Variants in ADCY1 observed in about 807,000 individuals in gnomAD.
The protein encoded by ADCY1 is adenylate cyclase 1.
ADCY1 carries 28 observed loss-of-function variants against 105.4 expected under a neutral mutation model. That is an observed-to-expected ratio of 0.27 (90% CI 0.20 to 0.36). ADCY1 has a LOEUF of 0.36. Among genes scored for constraint, ADCY1 ranks in the 10% least tolerant of loss-of-function variants. ADCY1 has a pLI of 1.00. For synonymous variants in ADCY1, 655 were observed against 623.8 expected (o/e 1.05, Z -0.75); for missense variants, 977 against 1,434.2 (o/e 0.68, Z 5.15).
chr7:45,612,584 G>C (rs1212739220), intron 3 of ADCY1, among the ~76,000 whole-genome samples: 1 of 152,162 alleles, frequency 6.6e-6, no homozygotes, highest in African/African-American at 2.4e-5. Context: ...TGCAGGAAAG[G>C]CATCAAAAGT....
intron 19 of ADCY1, among the ~76,000 whole-genome samples, chr7:45,711,615 A>ATATATATATATGTATATATG (rs1785232328): frequency 2.8e-5 from 1 of 35,324 alleles, no homozygotes; most frequent in African/African-American, 8.0e-5. Context: ...CTGTATATAT[A>ATATATATATATGTATATATG]TATATATATA....
At chr7:45,712,619 C>T (rs1785283093) in intron 19 of ADCY1, among the ~76,000 whole-genome samples, 1 of 151,974 alleles carries the variant, frequency 6.6e-6, no homozygotes, top group South Asian at 2.1e-4. Context: ...GCCTCCCCAA[C>T]TCTGGGTATT....
intron 1 of ADCY1, among the ~76,000 whole-genome samples, chr7:45,587,467 G>C (rs1203485734): frequency 2.0e-5 from 3 of 152,200 alleles, no homozygotes; most frequent in Non-Finnish European, 4.4e-5. Flanking sequence ...GCATAGGGCT[G>C]TCAGGGGCAG....
At chr7:45,655,640 G>A (rs1046092254) in intron 5 of ADCY1, among the ~76,000 whole-genome samples, 1 of 152,198 alleles carries the variant, frequency 6.6e-6, no homozygotes, top group Non-Finnish European at 1.5e-5. Context: ...AGGCAGAACC[G>A]ACTGGGAAAG....
chr7:45,644,566 C>T (rs567273399), intron 4 of ADCY1, among the ~76,000 whole-genome samples: 1 of 152,328 alleles, frequency 6.6e-6, no homozygotes, highest in African/African-American at 2.4e-5. Flanking sequence ...GTTGTCATGT[C>T]ACCTGCCTGT....
chr7:45,685,921 A>T (rs765624857), intron 12 of ADCY1, 41 bp from the exon 13 acceptor site: 18 of 1,584,980 alleles, frequency 1.1e-5, no homozygotes, highest in Non-Finnish European at 1.5e-5. Flanking sequence ...GCAGGTCTTC[A>T]CCTGCCCTTT....
chr7:45,657,781 G>T lies in ADCY1; in HGVS notation c.1203G>T (p.Thr401=), dbSNP rs139030994. ...VDLNMRVGLH[T]GRVLCGVLGL... is the part of the protein sequence containing the mutation. ...TGAACATGCGTGTGGGTCTGCACAC[G>T]GGCAGGGTCCTCTGTGGTGTCCTGG... The change falls in exon 6 of 20, where the codon ACG becomes ACT. Residue 401 remains threonine (T), a synonymous_variant. Coordinates refer to ENST00000297323, the MANE Select transcript of ADCY1 (RefSeq NM_021116.4). 19 of 1,613,902 alleles carry T rather than the reference G, an allele frequency of 1.2e-5. No homozygotes were observed. The African/African-American group carries it at 1.9e-4, about 16-fold the overall frequency.
Position 45,575,036 on chromosome 7 carries a change from C to A in ADCY1, c.493C>A (p.Gln165Lys). The A allele has an allele frequency of 6.2e-7, 1 of 1,612,560 alleles. No homozygotes were observed. Reference protein sequence around the residue: ...GPATAEQGVWQLLLVTFVSYA... With the variant: ...GPATAEQGVWKLLLVTFVSYA... The stretch of plus-strand genomic sequence containing the variant: ...AGCGACCGCCGAACAAGGGGTTTGG[C>A]AGCTCCTTTTGGTCACCTTCGTGTC... The change falls in exon 1 of 20, where the codon CAG becomes AAG. Residue 165 changes from glutamine to lysine, a missense_variant. Around this residue, in one of 7 missense-constraint regions of ADCY1, gnomAD observed 196 missense variants for 347.8 expected, o/e 0.56. Transcript: ENST00000297323. This position sits in a 1 kb window ranked among gnomAD's most constrained non-coding sequence, Gnocchi z 4.7.
At chr7:45,594,116 T>A (rs1793004912) in intron 2 of ADCY1, among the ~76,000 whole-genome samples, 1 of 152,212 alleles carries the variant, frequency 6.6e-6, no homozygotes, top group Admixed American at 6.5e-5. Flanking sequence ...TGGTTGCATG[T>A]GTGTGTGGCT....
In ADCY1 at chr7:45,657,749, G is replaced by T; in HGVS notation, c.1171G>T (p.Val391Leu). The change falls in exon 6 of 20, where the codon GTG becomes TTG. Residue 391 changes from valine (V) to leucine (L), a missense_variant. Transcript: ENST00000297323. ...CAGATCTGTGGCTGAAGCCACCGAG[G>T]TGGATCTGAACATGCGTGTGGGTCT... is the stretch of plus-strand genomic sequence containing the variant. ...TITSVAEATE[V>L]DLNMRVGLHT... is the part of the protein sequence containing the mutation. 2 of 1,613,954 alleles carry T rather than the reference G, an allele frequency of 1.2e-6. No homozygotes were observed. The highest frequency in any genetic ancestry group is 1.7e-6 in the Non-Finnish European group (2 of 1,179,944).
intron 2 of ADCY1, among the ~76,000 whole-genome samples, chr7:45,609,348 G>C (rs572949852): frequency 6.6e-6 from 1 of 152,168 alleles, no homozygotes; most frequent in African/African-American, 2.4e-5. Context: ...GAGAGGAGGC[G>C]GAAGCATCTC....
intron 17 of ADCY1, among the ~76,000 whole-genome samples, chr7:45,706,512 A>AAAAAAAAAAAAAAAAAG (rs1554332713): frequency 1.5e-5 from 2 of 135,446 alleles, no homozygotes; most frequent in Non-Finnish European, 3.2e-5. Flanking sequence ...AAAAAAAAAA[A>AAAAAAAAAAAAAAAAAG]AGAATATAGA....
At chr7:45,664,276 G>A (rs1714481279) in intron 8 of ADCY1, 2 of 1,535,896 alleles carry the variant, frequency 1.3e-6, no homozygotes, top group Non-Finnish European at 1.7e-6. Flanking sequence ...CACATCTGAT[G>A]CCTCTCCTGT....
rs75991588 is a variant in ADCY1, at chr7:45,588,546, C to T, written c.640-4213C>T. On this transcript the variant is annotated intron_variant, in intron 1 of 19. Transcript: ENST00000297323. Reference sequence around the variant, plus strand: ...ACCCATCTGTGAATTAAGTCAAACACGAGTTCATCCTGGTGCCTCAGAGTC... The same window carrying T: ...ACCCATCTGTGAATTAAGTCAAACATGAGTTCATCCTGGTGCCTCAGAGTC... 1.8e-4 allele frequency among the ~76,000 whole-genome samples: 28 copies of T among 152,326 alleles called. No individual in the cohort carries two copies. The East Asian group carries it at 4.3e-3, about 23-fold the overall frequency.
At chr7:45,646,254 C>T (rs1477775955) in intron 4 of ADCY1, among the ~76,000 whole-genome samples, 1 of 152,098 alleles carries the variant, frequency 6.6e-6, no homozygotes, top group Non-Finnish European at 1.5e-5. Context: ...CGGTCGCATC[C>T]CTGGTGAGTC....
At chr7:45,697,068 A>G (rs1414184448) in intron 14 of ADCY1, among the ~76,000 whole-genome samples, 1 of 152,198 alleles carries the variant, frequency 6.6e-6, no homozygotes, top group African/African-American at 2.4e-5. Context: ...CCCTGATTTC[A>G]ATGTCTGACA....
Position 45,704,373 on chromosome 7 carries a change from T to A in ADCY1, c.2719-145T>A, listed in dbSNP as rs114983951. On this transcript the variant is annotated intron_variant, in intron 16 of 19. Coordinates refer to ENST00000297323, the MANE Select transcript of ADCY1 (RefSeq NM_021116.4). ...TCACCTCTTCTTGCCAGTGTAGTCC[T>A]AGAACTTGTCTGCCCAAAGCAAAGA... is the stretch of plus-strand genomic sequence containing the variant. 1,025 of 666,714 alleles carry A rather than the reference T, an allele frequency of 1.5e-3. 6 individuals carry two copies. The African/African-American group carries it at 0.017, about 11-fold the overall frequency. 41.3% of individuals were successfully genotyped at this position (666,714 alleles called of 1,614,324 possible).
At chr7:45,625,538 C>A (rs1169597152) in intron 4 of ADCY1, among the ~76,000 whole-genome samples, 2 of 152,062 alleles carry the variant, frequency 1.3e-5, no homozygotes, top group Non-Finnish European at 2.9e-5. Flanking sequence ...TGGGAATGTA[C>A]ATGAGTGAGC....
At chr7:45,636,682 A>ACCCAGCTACTGGGTGTAATTAGCTG (rs1322660774) in intron 4 of ADCY1, among the ~76,000 whole-genome samples, 1 of 152,210 alleles carries the variant, frequency 6.6e-6, no homozygotes, top group Non-Finnish European at 1.5e-5. Context: ...CTGGGATTAC[A>ACCCAGCTACTGGGTGTAATTAGCTG]GGTGCACACC....
Sources: gnomAD v4.1 joint callset for allele counts (sites outside exome capture counted in the v4.1 genomes callset) on GRCh38, gnomAD v4.1.1 for gene constraint, gnomAD v4.1.1 regional missense constraint, Gnocchi (gnomAD v3.1) non-coding constraint, MANE v1.5 for transcripts, NCBI Gene and HGNC (gene_info 2026-07-23, HGNC 2026-07-21) for gene names.